Variants in HIVEP1 observed in about 807,000 individuals in gnomAD.
The protein encoded by HIVEP1 is HIVEP zinc finger 1, also known as zinc finger protein 40.
In HIVEP1, 36 loss-of-function variants were observed where a neutral mutation model predicts 180.0. The ratio of observed to expected loss-of-function variants is 0.20; its 90% CI spans 0.15 to 0.26. The LOEUF (loss-of-function observed/expected upper bound fraction) is 0.26. HIVEP1 is among the 10% of genes least tolerant of loss of function. HIVEP1 has a pLI of 1.00. For missense variants in HIVEP1, 3,143 were observed against 3,268.7 expected (o/e 0.96, Z 0.94); for synonymous variants, 1,239 against 1,239.0 (o/e 1.00, Z 0.00).
Position 12,120,983 on chromosome 6 carries a change from A to G in HIVEP1, c.1188A>G (p.Lys396=). 1 of 1,614,066 alleles carries G rather than the reference A, an allele frequency of 6.2e-7. No homozygotes were observed. Among genetic ancestry groups the G allele is most frequent in the Non-Finnish European group, 8.5e-7 (1 of 1,179,924 alleles). ...AGCAAATGTGCAATCTTCTTCTGAA[A>G]GATCAGAAGCCAAAAAAACAAGGAA... is the stretch of plus-strand genomic sequence containing the variant. ...SVEQMCNLLL[K]DQKPKKQGKY... Residue 396 remains lysine (K), a synonymous_variant, in exon 4 of 9, where the codon AAA becomes AAG. Transcript: ENST00000379388.
chr6:12,047,293 A>C (rs1268884991), intron 2 of HIVEP1, among the ~76,000 whole-genome samples: 2 of 152,248 alleles, frequency 1.3e-5, no homozygotes, highest in Non-Finnish European at 2.9e-5. Flanking sequence ...GCTAGTGTCA[A>C]GTGTAGCCCT....
intron 3 of HIVEP1, among the ~76,000 whole-genome samples, chr6:12,118,619 T>A (rs1775365745): frequency 6.6e-6 from 1 of 152,226 alleles, no homozygotes; most frequent in Non-Finnish European, 1.5e-5. Context: ...CCTGCCTACC[T>A]GCCCTACCTA....
chr6:12,023,536 A>G (rs13199930), intron 2 of HIVEP1, among the ~76,000 whole-genome samples: 1 of 152,238 alleles, frequency 6.6e-6, no homozygotes, highest in African/African-American at 2.4e-5. Context: ...GTAATAATTT[A>G]AAAAATAGTT....
chr6:12,186,661 A>G, the HIVEP1 span, among the ~76,000 whole-genome samples: 2 of 152,204 alleles, frequency 1.3e-5, no homozygotes, highest in African/African-American at 2.4e-5. Context: ...TCAACACTAA[A>G]GAAAGGCAAC....
intron 7 of HIVEP1, among the ~76,000 whole-genome samples, chr6:12,159,457 C>G (rs3777756): frequency 0.21 from 32,507 of 151,972 alleles, 3,988 homozygotes; most frequent in East Asian, 0.47. Context: ...GAGGATGACT[C>G]GAATTTTACA....
Position 12,035,879 on chromosome 6 carries a change from T to G in HIVEP1, c.40+20211T>G, listed in dbSNP as rs539532773. On this transcript the variant is annotated intron_variant, in intron 2 of 8. Transcript: ENST00000379388. ...TGACAGATAGAAAAATATAAACTGC[T>G]TATTTCAGAACTAGTATGAAAAAGG... Among the ~76,000 whole-genome samples the G allele has an allele frequency of 1.3e-4, 20 of 152,310 alleles. No homozygotes were observed. In the South Asian group the frequency reaches 2.7e-3, roughly 21 times the overall value.
intron 2 of HIVEP1, among the ~76,000 whole-genome samples, chr6:12,074,643 T>TGTGTGTATGTGTGTGC (rs573970756): frequency 6.8e-6 from 1 of 148,030 alleles, no homozygotes; most frequent in Admixed American, 6.6e-5. Flanking sequence ...TGTGTGTGTG[T>TGTGTGTATGTGTGTGC]GCGCGCGCGT....
chr6:12,140,059 A>G (rs933918509), intron 7 of HIVEP1, among the ~76,000 whole-genome samples: 9 of 152,230 alleles, frequency 5.9e-5, no homozygotes, highest in Admixed American at 5.2e-4. Context: ...ACCCCCGTGT[A>G]GCCTAACTAG....
At chr6:12,045,122 GCA>G (rs1164643593) in intron 2 of HIVEP1, among the ~76,000 whole-genome samples, 1 of 145,798 alleles carries the variant, frequency 6.9e-6, no homozygotes, top group Admixed American at 6.8e-5. Context: ...CTTTCTTCTA[GCA>G]CAGTCAGCTC....
chr6:12,207,927 A>G, the HIVEP1 span, among the ~76,000 whole-genome samples: 9 of 150,886 alleles, frequency 6.0e-5, no homozygotes, highest in African/African-American at 2.2e-4. Flanking sequence ...AAAAATCTAG[A>G]TTTATGGATC....
Position 12,114,612 on chromosome 6 carries a change from GA to G in HIVEP1, c.95-5269del, listed in dbSNP as rs375840756. On this transcript the variant is annotated intron_variant, in intron 3 of 8. Coordinates refer to ENST00000379388, the MANE Select transcript of HIVEP1 (RefSeq NM_002114.4). ...TCTAGCCCAGACCTCTCTCTAGAGG[GA>G]AAAAAAAAGAATGTGCACGTACACT... is the stretch of plus-strand genomic sequence containing the variant. Among the ~76,000 whole-genome samples the G allele has an allele frequency of 8.4e-4, 126 of 150,586 alleles. 1 individual carries two copies. Among genetic ancestry groups the G allele is most frequent in the Non-Finnish European group, 1.3e-3 (89 of 67,604 alleles).
chr6:12,037,792 C>T (rs576359423), intron 2 of HIVEP1: 1 of 456,676 alleles, frequency 2.2e-6, no homozygotes, highest in East Asian at 3.5e-5. Flanking sequence ...CCCCAAACTT[C>T]TGGGGACAAG....
chr6:12,116,435 T>C (rs1420976355), intron 3 of HIVEP1, among the ~76,000 whole-genome samples: 4 of 152,164 alleles, frequency 2.6e-5, no homozygotes, highest in Non-Finnish European at 4.4e-5. Flanking sequence ...GGCACCTTGC[T>C]TTCACTTCCA....
chr6:12,170,271 T>C, the HIVEP1 span, among the ~76,000 whole-genome samples: 1 of 140,820 alleles, frequency 7.1e-6, no homozygotes, highest in South Asian at 2.3e-4. Flanking sequence ...CCAGCAGGAG[T>C]GCGAATGAAG....
At chr6:12,017,682 A>G (rs1767901912) in intron 2 of HIVEP1, among the ~76,000 whole-genome samples, 1 of 152,232 alleles carries the variant, frequency 6.6e-6, no homozygotes, top group Admixed American at 6.5e-5. Flanking sequence ...TGGTGTGTTT[A>G]CAATCCCTGA....
chr6:12,176,498 T>C, the HIVEP1 span, among the ~76,000 whole-genome samples: 103 of 152,154 alleles, frequency 6.8e-4, no homozygotes, highest in African/African-American at 2.3e-3. Flanking sequence ...TCCTAAATTG[T>C]TGGGATTACA....
intron 3 of HIVEP1, among the ~76,000 whole-genome samples, chr6:12,095,772 G>A (rs867593947): frequency 6.6e-6 from 1 of 151,898 alleles, no homozygotes; most frequent in Non-Finnish European, 1.5e-5. Context: ...ACCCAAGGGA[G>A]TGCAACCAAG....
chr6:12,106,192 T>C (rs1774423393), intron 3 of HIVEP1, among the ~76,000 whole-genome samples: 1 of 152,052 alleles, frequency 6.6e-6, no homozygotes, highest in Admixed American at 6.5e-5. Context: ...CATGAAGCTG[T>C]CTTTACATAA....
chr6:12,065,043 T>C (rs150419016), intron 2 of HIVEP1, among the ~76,000 whole-genome samples: 8 of 152,274 alleles, frequency 5.3e-5, no homozygotes, highest in Non-Finnish European at 1.0e-4. Context: ...TAATAGATAA[T>C]TTAAGGCCCA....
Sources: allele counts gnomAD v4.1 joint callset (sites outside exome capture counted in the v4.1 genomes callset), GRCh38; gene constraint gnomAD v4.1.1; transcripts MANE v1.5; gene names NCBI Gene and HGNC (gene_info 2026-07-23, HGNC 2026-07-21).